ACTA2: variants seen among roughly 807,000 people sequenced by gnomAD.
ACTA2 encodes the protein actin, aortic smooth muscle.
In ACTA2, 12 loss-of-function variants were observed where a neutral mutation model predicts 39.5. The ratio of observed to expected loss-of-function variants is 0.30; its 90% CI spans 0.19 to 0.49. ACTA2 has a LOEUF of 0.49. Ranked by LOEUF, ACTA2 falls within the 20% of genes least tolerant of loss-of-function variation. The probability of loss-of-function intolerance (pLI) is 0.99; values close to 1 mark genes in which losing one functional copy is unlikely to be tolerated. For synonymous variants in ACTA2, 158 were observed against 180.6 expected, an observed-to-expected ratio of 0.88 and a Z score of 1.00; for missense variants, 236 against 498.8, an observed-to-expected ratio of 0.47 and a Z score of 5.02.
chr10:88,972,880 A>G (rs998791064), intron 1 of ACTA2, among the ~76,000 whole-genome samples: 1 of 151,910 alleles, frequency 6.6e-6, no homozygotes, highest in Non-Finnish European at 1.5e-5. Context: ...CTTAACTGAG[A>G]CTCTTACAGG....
intron 1 of ACTA2, among the ~76,000 whole-genome samples, chr10:88,967,546 C>T (rs1052322941): frequency 2.0e-5 from 3 of 152,204 alleles, no homozygotes; most frequent in Admixed American, 6.5e-5. Flanking sequence ...CATTTTATGA[C>T]AATCCACGTT....
intron 1 of ACTA2, chr10:88,973,108 T>C: frequency 2.1e-6 from 3 of 1,461,254 alleles, no homozygotes; most frequent in Non-Finnish European, 2.7e-6. Flanking sequence ...CTATGTTTTA[T>C]TTTTCTATTT....
At chr10:88,985,414 A>G (rs1424753458) in intron 1 of ACTA2, among the ~76,000 whole-genome samples, 1 of 152,192 alleles carries the variant, frequency 6.6e-6, no homozygotes, top group African/African-American at 2.4e-5. Context: ...TGTTAATACC[A>G]CTATTGTATT....
chr10:88,945,169 C>G (rs1210969896), intron 3 of ACTA2, among the ~76,000 whole-genome samples: 4 of 152,186 alleles, frequency 2.6e-5, no homozygotes, highest in African/African-American at 9.6e-5. Flanking sequence ...AAAGTTTTTT[C>G]TTCCAATAGT....
intron 3 of ACTA2, among the ~76,000 whole-genome samples, chr10:88,944,884 C>T (rs1845917773): frequency 6.6e-6 from 1 of 152,194 alleles, no homozygotes; most frequent in South Asian, 2.1e-4. Flanking sequence ...GAGATTCACT[C>T]AAAATCAAAA....
At position 88,941,820 on chromosome 10, in the gene ACTA2, G is replaced by A. The variant is rs397516683; in HGVS notation, c.419C>T (p.Ala140Val). ...TCCAGAGGCATAGAGAGACAGCACCGCCTGGATAGCCACATACATGGCTGG... is the reference window on the plus strand; with the variant it reads ...TCCAGAGGCATAGAGAGACAGCACCACCTGGATAGCCACATACATGGCTGG... ...NVPAMYVAIQ[A>V]VLSLYASGRT... is the part of the protein sequence containing the mutation. Residue 140 changes from alanine to valine, a missense_variant, in exon 5 of 9, where the codon GCG becomes GTG. Coordinates refer to ENST00000224784, the MANE Select transcript of ACTA2 (RefSeq NM_001613.4). 2.5e-6 allele frequency: 4 copies of A among 1,613,066 alleles called. No homozygotes were observed. Among genetic ancestry groups the A allele is most frequent in the South Asian group, 1.1e-5 (1 of 90,804 alleles).
chr10:88,944,026 C>A, intron 3 of ACTA2, 119 bp from the exon 4 acceptor site: 2 of 799,474 alleles, frequency 2.5e-6, no homozygotes, highest in South Asian at 1.6e-5. Flanking sequence ...TACAAGTACT[C>A]ATGCATGTGT....
upstream of ACTA2, among the ~76,000 whole-genome samples, chr10:88,953,250 C>T (rs1420162747): frequency 1.3e-5 from 2 of 152,102 alleles, no homozygotes; most frequent in Non-Finnish European, 2.9e-5. Context: ...TTCCTTCAGT[C>T]GTCTATAAAT....
intron 1 of ACTA2, among the ~76,000 whole-genome samples, chr10:88,978,261 AG>A (rs1199068890): frequency 9.2e-5 from 9 of 97,434 alleles, no homozygotes; most frequent in Middle Eastern, 5.4e-3. Flanking sequence ...GGGTGGGGGG[AG>A]GGGGGAGGGA....
chr10:88,973,307 G>A, intron 1 of ACTA2: 1 of 1,597,916 alleles, frequency 6.3e-7, no homozygotes, highest in East Asian at 2.2e-5. Context: ...CATCTGAACA[G>A]CTCTGAGAGA....
chr10:88,958,332 T>A (rs1846171001), intron 1 of ACTA2, among the ~76,000 whole-genome samples: 1 of 152,212 alleles, frequency 6.6e-6, no homozygotes. Flanking sequence ...ATAAGTCAAC[T>A]AATAGTTATC....
At chr10:88,975,587 G>A (rs1034900201) in intron 1 of ACTA2, among the ~76,000 whole-genome samples, 1 of 152,148 alleles carries the variant, frequency 6.6e-6, no homozygotes, top group Non-Finnish European at 1.5e-5. Flanking sequence ...TCTGGGCTTA[G>A]GAAAATGGGG....
chr10:88,956,671 C>G (rs1008483845), upstream of ACTA2, among the ~76,000 whole-genome samples: 1 of 152,184 alleles, frequency 6.6e-6, no homozygotes, highest in Admixed American at 6.5e-5. Context: ...CATGTCAAGG[C>G]TTTTATACCA....
chr10:88,937,140 A>T (rs148730032), intron 8 of ACTA2, among the ~76,000 whole-genome samples: 20 of 146,320 alleles, frequency 1.4e-4, no homozygotes, highest in Non-Finnish European at 2.4e-4. Context: ...CTCTTCTCTC[A>T]TGCTGAAGTC....
intron 1 of ACTA2, among the ~76,000 whole-genome samples, chr10:88,984,236 A>G (rs1411340884): frequency 3.3e-5 from 5 of 152,238 alleles, no homozygotes; most frequent in African/African-American, 1.2e-4. Context: ...GCCTTGAGAA[A>G]TAGTAGGAGC....
Position 88,938,185 on chromosome 10 carries a change from A to G in ACTA2, c.866T>C (p.Ile289Thr). The G allele has an allele frequency of 1.2e-6, 2 of 1,614,022 alleles. No homozygotes were observed. The highest frequency in any genetic ancestry group is 4.5e-5 in the East Asian group (2 of 44,862). Residue 289 changes from isoleucine to threonine, a missense_variant, in exon 8 of 9, where the codon ATT becomes ACT. Coordinates refer to ENST00000224784, the MANE Select transcript of ACTA2 (RefSeq NM_001613.4). ...AGCATAGAGGTCCTTCCTGATGTCAATATCACACTTCATGATGCTGTTGTA... is the reference window on the plus strand; with the variant it reads ...AGCATAGAGGTCCTTCCTGATGTCAGTATCACACTTCATGATGCTGTTGTA... ...TTYNSIMKCD[I>T]DIRKDLYANN...
At chr10:88,960,401 A>G (rs1161318688) in intron 1 of ACTA2, among the ~76,000 whole-genome samples, 1 of 152,232 alleles carries the variant, frequency 6.6e-6, no homozygotes, top group Non-Finnish European at 1.5e-5. Flanking sequence ...TATTTAGTCT[A>G]GAAACCAGAT....
intron 1 of ACTA2, among the ~76,000 whole-genome samples, chr10:88,965,575 C>T (rs991563469): frequency 2.6e-5 from 4 of 152,114 alleles, no homozygotes; most frequent in African/African-American, 4.8e-5. Flanking sequence ...ATTAGGTATA[C>T]CAACATATCG....
At chr10:88,959,364 T>C (rs1846190702) in intron 1 of ACTA2, among the ~76,000 whole-genome samples, 1 of 152,100 alleles carries the variant, frequency 6.6e-6, no homozygotes, top group African/African-American at 2.4e-5. Flanking sequence ...CTAATGTGTA[T>C]CCAAGAATAA....
Sources: allele counts gnomAD v4.1 joint callset (sites outside exome capture counted in the v4.1 genomes callset), GRCh38; gene constraint gnomAD v4.1.1; transcripts MANE v1.5; gene names NCBI Gene and HGNC (gene_info 2026-07-23, HGNC 2026-07-21).